The following PLXDC2 variants were observed in gnomAD, a reference collection of about 807,000 sequenced individuals.
PLXDC2 encodes plexin domain-containing protein 2.
In PLXDC2, 40 loss-of-function variants were observed where a neutral mutation model predicts 68.9. The ratio of observed to expected loss-of-function variants is 0.58; its 90% CI spans 0.45 to 0.76. The LOEUF (loss-of-function observed/expected upper bound fraction) is 0.76. Ranked by LOEUF, PLXDC2 falls within the 30% of genes least tolerant of loss-of-function variation. The pLI, the probability that PLXDC2 is intolerant of heterozygous loss-of-function variation, is 0.00. For missense variants in PLXDC2, 644 were observed against 661.9 expected (o/e 0.97, Z 0.30); for synonymous variants, 243 against 234.2 (o/e 1.04, Z -0.34).
intron 13 of PLXDC2, among the ~76,000 whole-genome samples, chr10:20,258,973 A>C (rs960614533): frequency 1.5e-4 from 22 of 148,416 alleles, no homozygotes; most frequent in Non-Finnish European, 1.0e-4. Flanking sequence ...ATGCCACTGC[A>C]CTCCAGCCTG....
At chr10:19,823,042 A>G (rs1836501523) in intron 1 of PLXDC2, among the ~76,000 whole-genome samples, 1 of 151,814 alleles carries the variant, frequency 6.6e-6, no homozygotes, top group Admixed American at 6.6e-5. Context: ...CAGCTTCCCA[A>G]GTAGCTGGGA....
intron 4 of PLXDC2, among the ~76,000 whole-genome samples, chr10:20,132,130 A>T (rs1218073526): frequency 6.6e-6 from 1 of 152,144 alleles, no homozygotes; most frequent in Non-Finnish European, 1.5e-5. Flanking sequence ...TATGTTATTT[A>T]ATTTTCACAT....
chr10:20,234,663 C>CTTTT (rs58791520), intron 12 of PLXDC2, among the ~76,000 whole-genome samples: 138 of 125,386 alleles, frequency 1.1e-3, no homozygotes, highest in African/African-American at 3.9e-3. Flanking sequence ...GGGTTTCTTT[C>CTTTT]TTTTTTTTTT....
chr10:20,047,151 G>A lies in PLXDC2; in HGVS notation c.471+136G>A, dbSNP rs191964322. The A allele has an allele frequency of 4.1e-4, 326 of 797,648 alleles. 2 individuals are homozygous for A. The African/African-American group carries it at 5.2e-3, about 13-fold the overall frequency. The allele number at this position is 797,648 out of a possible 1,614,324, so 49.4% of individuals were successfully genotyped here. On this transcript the variant is annotated intron_variant, in intron 3 of 13. Coordinates refer to ENST00000377252, the MANE Select transcript of PLXDC2 (RefSeq NM_032812.9). ...CTTATCTGTGGTAATCGCTTTTCAA[G>A]TGTATTCAGTTCTGTAATTGTAATT...
chr10:19,975,312 G>A (rs1377667039), intron 1 of PLXDC2, among the ~76,000 whole-genome samples: 1 of 152,142 alleles, frequency 6.6e-6, no homozygotes, highest in Admixed American at 6.5e-5. Flanking sequence ...CAAAAAATTA[G>A]CTGGGCATGG....
intron 1 of PLXDC2, among the ~76,000 whole-genome samples, chr10:19,910,263 C>A (rs1833242663): frequency 6.6e-6 from 1 of 150,878 alleles, no homozygotes; most frequent in African/African-American, 2.4e-5. Context: ...GTTCATTGTC[C>A]AGGGAGTCAG....
At chr10:20,003,537 A>G (rs1387780841) in intron 2 of PLXDC2, among the ~76,000 whole-genome samples, 1 of 152,094 alleles carries the variant, frequency 6.6e-6, no homozygotes, top group Non-Finnish European at 1.5e-5. Context: ...GATTCAAGCC[A>G]TTCTCCTGCC....
chr10:20,218,395 G>A (rs976876157), intron 11 of PLXDC2, among the ~76,000 whole-genome samples: 2 of 152,144 alleles, frequency 1.3e-5, no homozygotes, highest in Admixed American at 1.3e-4. Flanking sequence ...AAGTGGGGTG[G>A]AAAGCAGCTG....
At chr10:20,031,290 A>G (rs1159333997) in intron 2 of PLXDC2, among the ~76,000 whole-genome samples, 2 of 151,804 alleles carry the variant, frequency 1.3e-5, no homozygotes, top group Admixed American at 1.3e-4. Flanking sequence ...GAGCCTCCTG[A>G]GCCCATGAGG....
chr10:19,892,951 A>G (rs1001909747), intron 1 of PLXDC2, among the ~76,000 whole-genome samples: 8 of 149,662 alleles, frequency 5.3e-5, no homozygotes, highest in Middle Eastern at 6.9e-3. Context: ...CACTGTTACA[A>G]TTTGCCATTG....
intron 1 of PLXDC2, among the ~76,000 whole-genome samples, chr10:19,891,811 A>T (rs975572770): frequency 3.3e-5 from 5 of 152,232 alleles, no homozygotes; most frequent in Admixed American, 2.6e-4. Flanking sequence ...TCACCTTCAA[A>T]TTCTCAACAA....
At chr10:20,238,306 G>A (rs186389072) in intron 12 of PLXDC2, among the ~76,000 whole-genome samples, 29 of 151,040 alleles carry the variant, frequency 1.9e-4, no homozygotes, top group South Asian at 6.3e-4. Context: ...AACACACTGA[G>A]GTGAGGTCTT....
chr10:20,020,453 T>C (rs1835288991), intron 2 of PLXDC2, among the ~76,000 whole-genome samples: 1 of 151,982 alleles, frequency 6.6e-6, no homozygotes, highest in Admixed American at 6.6e-5. Context: ...ACTTTAATTT[T>C]CCAGACTATA....
In PLXDC2 at chr10:20,018,137, A is replaced by G. The variant is rs558862453; in HGVS notation, c.324+16151A>G. ...AGTGATGGCAAAACAAAATATTTCT[A>G]CAGGGCCATCTCTCCAGTGGGCCCC... is the stretch of plus-strand genomic sequence containing the variant. On this transcript the variant is annotated intron_variant, in intron 2 of 13. Transcript: ENST00000377252. 2.0e-5 allele frequency among the ~76,000 whole-genome samples: 3 copies of G among 152,292 alleles called. No individual in the cohort carries two copies. The East Asian group carries it at 5.8e-4, about 29-fold the overall frequency.
chr10:19,872,985 C>T (rs1837568759), intron 1 of PLXDC2, among the ~76,000 whole-genome samples: 1 of 152,146 alleles, frequency 6.6e-6, no homozygotes, highest in Non-Finnish European at 1.5e-5. Context: ...TTACAAAACT[C>T]CTAACAGAAC....
At chr10:19,942,831 G>A (rs961996439) in intron 1 of PLXDC2, among the ~76,000 whole-genome samples, 4 of 152,056 alleles carry the variant, frequency 2.6e-5, no homozygotes, top group Admixed American at 6.6e-5. Context: ...AAAAATACTC[G>A]AAAGAAAAGT....
At chr10:19,959,152 A>G (rs1277740903) in intron 1 of PLXDC2, among the ~76,000 whole-genome samples, 1 of 152,208 alleles carries the variant, frequency 6.6e-6, no homozygotes, top group Non-Finnish European at 1.5e-5. Flanking sequence ...GATGTTGAGC[A>G]GTTTACCCAG....
At chr10:19,895,707 G>A (rs1838045336) in intron 1 of PLXDC2, among the ~76,000 whole-genome samples, 1 of 152,066 alleles carries the variant, frequency 6.6e-6, no homozygotes, top group African/African-American at 2.4e-5. Context: ...CTTTTGTCAG[G>A]CCCCTGAAGG....
chr10:19,904,183 A>G, intron 1 of PLXDC2, among the ~76,000 whole-genome samples: 1 of 152,016 alleles, frequency 6.6e-6, no homozygotes, highest in Admixed American at 6.6e-5. Context: ...ATGTTCTGTA[A>G]ATATTTGTTA....
Sources: gnomAD v4.1 joint callset for allele counts (sites outside exome capture counted in the v4.1 genomes callset) on GRCh38, gnomAD v4.1.1 for gene constraint, MANE v1.5 for transcripts, NCBI Gene and HGNC (gene_info 2026-07-23, HGNC 2026-07-21) for gene names.